The following LRBA variants were observed in gnomAD, a reference collection of about 807,000 sequenced individuals.
LRBA encodes LPS responsive beige-like anchor protein.
A neutral mutation model predicts 330.0 loss-of-function variants in LRBA; 176 were observed. That is an observed-to-expected ratio of 0.53 (90% CI 0.47 to 0.60). The LOEUF (loss-of-function observed/expected upper bound fraction) is 0.60. LRBA is among the 20% of genes least tolerant of loss of function. The probability of loss-of-function intolerance (pLI) is 0.00; values close to 1 mark genes in which losing one functional copy is unlikely to be tolerated. For missense variants in LRBA, 3,259 were observed against 3,444.8 expected (o/e 0.95, Z 1.35); for synonymous variants, 1,230 against 1,193.0 (o/e 1.03, Z -0.64).
At position 150,672,377 on chromosome 4, in the gene LRBA, C is replaced by CT. The variant is rs1219388396; in HGVS notation, c.5921+11173dup. The stretch of plus-strand genomic sequence containing the variant: ...CTTTTTTTTTTTTAGAAGATACTCT[C>CT]TGTTGACAGTGAACATTCTGCTTTT... On this transcript the variant is annotated intron_variant, in intron 37 of 56. Coordinates refer to ENST00000651943, the MANE Select transcript of LRBA (RefSeq NM_001364905.1). Among the ~76,000 whole-genome samples, 5 of 151,260 alleles carry CT rather than the reference C, an allele frequency of 3.3e-5. No homozygotes were observed. The East Asian group carries it at 9.7e-4, about 29-fold the overall frequency.
chr4:150,449,777 T>C (rs1753123593), intron 44 of LRBA, among the ~76,000 whole-genome samples: 1 of 152,116 alleles, frequency 6.6e-6, no homozygotes, highest in Non-Finnish European at 1.5e-5. Context: ...AGCATATACT[T>C]CTTTGGGCAT....
chr4:150,746,419 T>C (rs1477908807), intron 35 of LRBA, among the ~76,000 whole-genome samples: 2 of 152,090 alleles, frequency 1.3e-5, no homozygotes, highest in Non-Finnish European at 1.5e-5. Context: ...ATATCAGTCA[T>C]ATCTTCCTTC....
At chr4:150,894,707 G>C (rs1271922731) in intron 16 of LRBA, among the ~76,000 whole-genome samples, 2 of 152,118 alleles carry the variant, frequency 1.3e-5, no homozygotes, top group Non-Finnish European at 2.9e-5. Flanking sequence ...CTGAATCATT[G>C]AAAGTGTTAT....
intron 36 of LRBA, among the ~76,000 whole-genome samples, chr4:150,731,635 C>CT (rs1308520974): frequency 1.3e-5 from 2 of 152,100 alleles, no homozygotes; most frequent in Non-Finnish European, 2.9e-5. Flanking sequence ...CAATTGAACT[C>CT]TGAGTTCAAA....
chr4:150,661,663 T>A (rs1165770649), intron 37 of LRBA, among the ~76,000 whole-genome samples: 1 of 152,042 alleles, frequency 6.6e-6, no homozygotes, highest in Non-Finnish European at 1.5e-5. Context: ...CAGGCTGGAG[T>A]GCAGTGGCAC....
At chr4:150,942,253 G>T (rs1351126294) in intron 2 of LRBA, among the ~76,000 whole-genome samples, 1 of 152,072 alleles carries the variant, frequency 6.6e-6, no homozygotes, top group Non-Finnish European at 1.5e-5. Context: ...GTTTTCCCCT[G>T]TCCCTTCTCT....
chr4:150,416,066 A>C (rs1747694313), intron 46 of LRBA, among the ~76,000 whole-genome samples: 1 of 152,170 alleles, frequency 6.6e-6, no homozygotes, highest in Admixed American at 6.5e-5. Flanking sequence ...ATGGTTTCTC[A>C]GTACCTTTTC....
At chr4:150,574,725 G>A (rs893055861) in intron 40 of LRBA, among the ~76,000 whole-genome samples, 1 of 151,990 alleles carries the variant, frequency 6.6e-6, no homozygotes, top group South Asian at 2.1e-4. Flanking sequence ...TAGCAGAAAA[G>A]ATTAGATTAT....
intron 36 of LRBA, among the ~76,000 whole-genome samples, chr4:150,698,768 C>T (rs1784847145): frequency 6.6e-6 from 1 of 152,056 alleles, no homozygotes; most frequent in Non-Finnish European, 1.5e-5. Context: ...TATACCTGTC[C>T]TTTATACAGG....
chr4:150,700,546 C>T (rs1248287029), intron 36 of LRBA, among the ~76,000 whole-genome samples: 1 of 152,110 alleles, frequency 6.6e-6, no homozygotes, highest in Non-Finnish European at 1.5e-5. Context: ...CTACTGTAGA[C>T]TTTATAAACC....
intron 39 of LRBA, among the ~76,000 whole-genome samples, chr4:150,590,361 C>CAAA (rs5862927): frequency 0.014 from 1,688 of 122,848 alleles, 35 homozygotes; most frequent in African/African-American, 0.05. Context: ...GCTTTATTTA[C>CAAA]AAAAAAAAAA....
At chr4:150,268,453 C>A (rs541705103) in intron 56 of LRBA, among the ~76,000 whole-genome samples, 1 of 152,302 alleles carries the variant, frequency 6.6e-6, no homozygotes, top group Non-Finnish European at 1.5e-5. Flanking sequence ...TACCATGACA[C>A]CAAAGCCAGT....
At chr4:150,445,377 C>CTCTCTCTCTCTCTT (rs1454079183) in intron 44 of LRBA, among the ~76,000 whole-genome samples, 1 of 78,606 alleles carries the variant, frequency 1.3e-5, no homozygotes, top group Non-Finnish European at 2.5e-5. Flanking sequence ...CTCTCTCTCT[C>CTCTCTCTCTCTCTT]TATATATATA....
chr4:150,531,687 C>G (rs185809275), intron 40 of LRBA, among the ~76,000 whole-genome samples: 86 of 152,290 alleles, frequency 5.6e-4, no homozygotes, highest in African/African-American at 2.1e-3. Context: ...ATGATATCAA[C>G]AACCTCCATA....
At chr4:150,670,204 G>A (rs1026365381) in intron 37 of LRBA, among the ~76,000 whole-genome samples, 1 of 152,076 alleles carries the variant, frequency 6.6e-6, no homozygotes, top group Non-Finnish European at 1.5e-5. Flanking sequence ...GTACTGTGGT[G>A]TCTGCCAAAA....
intron 34 of LRBA, among the ~76,000 whole-genome samples, chr4:150,764,699 A>C (rs1735523818): frequency 6.6e-6 from 1 of 152,028 alleles, no homozygotes; most frequent in South Asian, 2.1e-4. Context: ...TCACTGGGGA[A>C]AGGCAAATTA....
At chr4:150,879,062 C>T (rs1481681682) in intron 17 of LRBA, among the ~76,000 whole-genome samples, 1 of 151,924 alleles carries the variant, frequency 6.6e-6, no homozygotes, top group African/African-American at 2.4e-5. Context: ...AGCAGAGACA[C>T]AACGAAAAAG....
intron 40 of LRBA, among the ~76,000 whole-genome samples, chr4:150,570,368 C>A (rs1457123314): frequency 6.6e-6 from 1 of 152,078 alleles, no homozygotes; most frequent in Non-Finnish European, 1.5e-5. Context: ...CATGCAGGCA[C>A]TGAGGCTGCA....
At chr4:150,887,701 G>A (rs1207887981) in intron 17 of LRBA, among the ~76,000 whole-genome samples, 6 of 149,794 alleles carry the variant, frequency 4.0e-5, no homozygotes, top group African/African-American at 2.5e-5. Context: ...CCCAGGAGGC[G>A]GAGCTTACAG....
Sources: gnomAD v4.1 joint callset for allele counts (sites outside exome capture counted in the v4.1 genomes callset) on GRCh38, gnomAD v4.1.1 for gene constraint, MANE v1.5 for transcripts, NCBI Gene and HGNC (gene_info 2026-07-23, HGNC 2026-07-21) for gene names.